Variants in THSD7B observed in about 807,000 individuals in gnomAD.
THSD7B encodes the protein thrombospondin type-1 domain-containing protein 7B.
THSD7B carries 138 observed loss-of-function variants against 213.6 expected under a neutral mutation model. That is an observed-to-expected ratio of 0.65 (90% CI 0.56 to 0.74). THSD7B has a LOEUF of 0.74. THSD7B is among the 30% of genes least tolerant of loss of function. The pLI is 0.00. For synonymous variants in THSD7B, 742 were observed against 687.0 expected (o/e 1.08, Z -1.25); for missense variants, 1,931 against 1,991.5 (o/e 0.97, Z 0.58).
At chr2:137,271,387 A>G (rs963798509) in intron 10 of THSD7B, among the ~76,000 whole-genome samples, 3 of 139,304 alleles carry the variant, frequency 2.2e-5, no homozygotes, top group African/African-American at 5.1e-5. Context: ...ATATATATAT[A>G]TTATGAATTA....
intron 2 of THSD7B, among the ~76,000 whole-genome samples, chr2:136,939,713 C>A (rs532358726): frequency 1.3e-5 from 2 of 152,284 alleles, no homozygotes; most frequent in South Asian, 4.1e-4. Flanking sequence ...GTTATATATG[C>A]ATCTTACCTC....
chr2:136,891,705 T>C (rs1683863656), intron 2 of THSD7B, among the ~76,000 whole-genome samples: 1 of 152,220 alleles, frequency 6.6e-6, no homozygotes, highest in East Asian at 1.9e-4. Context: ...TTCCATGTTC[T>C]AGTTGATGAA....
intron 15 of THSD7B, among the ~76,000 whole-genome samples, chr2:137,452,834 G>A (rs1687680259): frequency 2.0e-5 from 3 of 152,114 alleles, no homozygotes; most frequent in Admixed American, 2.0e-4. Flanking sequence ...GTGACTTAAA[G>A]GAAACTTGTT....
At chr2:137,382,656 C>T (rs1685803772) in intron 12 of THSD7B, among the ~76,000 whole-genome samples, 2 of 152,294 alleles carry the variant, frequency 1.3e-5, no homozygotes, top group South Asian at 2.1e-4. Flanking sequence ...CATAACAATC[C>T]CCTGGACTGG....
At chr2:137,358,608 G>A (rs376060336) in intron 12 of THSD7B, among the ~76,000 whole-genome samples, 2 of 152,160 alleles carry the variant, frequency 1.3e-5, no homozygotes, top group East Asian at 3.9e-4. Context: ...TAAATTCTCA[G>A]ATAAGCAATC....
At chr2:137,276,970 A>G (rs1451070575) in intron 12 of THSD7B, among the ~76,000 whole-genome samples, 2 of 152,118 alleles carry the variant, frequency 1.3e-5, no homozygotes, top group Non-Finnish European at 2.9e-5. Flanking sequence ...AAATTATAAG[A>G]ATGAACCACT....
At chr2:137,550,002 C>T (rs150337296) in intron 15 of THSD7B, among the ~76,000 whole-genome samples, 13 of 152,056 alleles carry the variant, frequency 8.5e-5, no homozygotes, top group South Asian at 4.2e-4. Context: ...GTCCCTGGCA[C>T]GCCGTGAACA....
At chr2:137,314,148 C>T (rs1684014147) in intron 12 of THSD7B, among the ~76,000 whole-genome samples, 1 of 152,186 alleles carries the variant, frequency 6.6e-6, no homozygotes, top group Non-Finnish European at 1.5e-5. Context: ...GTACACCAAT[C>T]AGATGTAGAT....
At chr2:137,202,396 G>A (rs913470573) in intron 7 of THSD7B, among the ~76,000 whole-genome samples, 18 of 152,106 alleles carry the variant, frequency 1.2e-4, no homozygotes, top group Admixed American at 3.3e-4. Flanking sequence ...ATAAGAAGGA[G>A]GCAAAGAAGA....
chr2:136,789,435 G>A (rs1401778200), intron 1 of THSD7B, among the ~76,000 whole-genome samples: 1 of 152,024 alleles, frequency 6.6e-6, no homozygotes, highest in African/African-American at 2.4e-5. Flanking sequence ...AAAGAAATCA[G>A]GGTAATTGGC....
chr2:137,246,525 C>T (rs1682043291), intron 10 of THSD7B, among the ~76,000 whole-genome samples: 1 of 152,128 alleles, frequency 6.6e-6, no homozygotes, highest in Non-Finnish European at 1.5e-5. Context: ...TTTATTTTGT[C>T]CCGGCTTGAT....
chr2:136,940,466 G>A (rs1463518227), intron 2 of THSD7B, among the ~76,000 whole-genome samples: 1 of 150,994 alleles, frequency 6.6e-6, no homozygotes, highest in Non-Finnish European at 1.5e-5. Context: ...CAAACATTAA[G>A]TCTTAAGTTT....
chr2:137,105,499 A>G (rs939731098), intron 4 of THSD7B, among the ~76,000 whole-genome samples: 3 of 152,210 alleles, frequency 2.0e-5, no homozygotes, highest in Non-Finnish European at 4.4e-5. Context: ...CCTGCACAAG[A>G]CAAGGATCCC....
At chr2:137,293,401 A>G (rs916392881) in intron 12 of THSD7B, among the ~76,000 whole-genome samples, 2 of 152,032 alleles carry the variant, frequency 1.3e-5, no homozygotes, top group Admixed American at 1.3e-4. Context: ...GCCTCCCCGA[A>G]GTGCTGAGAT....
At chr2:137,442,625 G>A (rs1225008157) in intron 14 of THSD7B, among the ~76,000 whole-genome samples, 1 of 151,978 alleles carries the variant, frequency 6.6e-6, no homozygotes, top group Non-Finnish European at 1.5e-5. Context: ...TTATGCTGCA[G>A]CTCTTAAAGC....
intron 15 of THSD7B, among the ~76,000 whole-genome samples, chr2:137,537,607 C>T (rs905650869): frequency 2.6e-5 from 4 of 151,514 alleles, no homozygotes; most frequent in African/African-American, 9.7e-5. Context: ...ATTTAATTTA[C>T]CTTCTCAACT....
intron 1 of THSD7B, among the ~76,000 whole-genome samples, chr2:136,782,841 A>G (rs935246615): frequency 2.0e-5 from 3 of 152,170 alleles, no homozygotes; most frequent in Non-Finnish European, 2.9e-5. Context: ...CACAGTGTGT[A>G]TATATACTTC....
At chr2:136,868,067 TG>T (rs1683371585) in intron 1 of THSD7B, among the ~76,000 whole-genome samples, 1 of 151,942 alleles carries the variant, frequency 6.6e-6, no homozygotes, top group Non-Finnish European at 1.5e-5. Context: ...CAGGCTCTAT[TG>T]GTCTGTTTAA....
At chr2:137,126,118 T>C (rs528363020) in intron 5 of THSD7B, among the ~76,000 whole-genome samples, 1 of 152,174 alleles carries the variant, frequency 6.6e-6, no homozygotes, top group Admixed American at 6.5e-5. Flanking sequence ...GAATGGTGAA[T>C]GGGCACTGAC....
Sources: allele counts gnomAD v4.1 joint callset (sites outside exome capture counted in the v4.1 genomes callset), GRCh38; gene constraint gnomAD v4.1.1; transcripts MANE v1.5; gene names NCBI Gene and HGNC (gene_info 2026-07-23, HGNC 2026-07-21).